The following SNRPN variants were observed in gnomAD, a reference collection of about 807,000 sequenced individuals.
SNRPN encodes the protein small nuclear ribonucleoprotein polypeptide N.
A neutral mutation model predicts 25.2 loss-of-function variants in SNRPN; 7 were observed. That is an observed-to-expected ratio of 0.28 (90% confidence interval 0.16 to 0.52). The LOEUF is 0.52. SNRPN is among the 20% of genes least tolerant of loss of function. SNRPN has a pLI of 0.96. For synonymous variants in SNRPN, 124 were observed against 110.6 expected (o/e 1.12, Z -0.76); for missense variants, 196 against 322.5 (o/e 0.61, Z 3.00).
chr15:24,939,087 A>T (rs1407429768), intron 3 of SNRPN, among the ~76,000 whole-genome samples: 2 of 152,218 alleles, frequency 1.3e-5, no homozygotes, highest in African/African-American at 4.8e-5. Flanking sequence ...ATAGTCAAAC[A>T]CAGAAGCTAA....
chr15:24,850,991 G>A (rs2145677993), intron 2 of SNRPN: 1 of 151,550 alleles, frequency 6.6e-6, no homozygotes, highest in Admixed American at 6.6e-5. Context: ...CATATACACT[G>A]TTCACTGCAG....
At chr15:24,969,211 C>G in intron 3 of SNRPN, among the ~76,000 whole-genome samples, 1 of 152,132 alleles carries the variant, frequency 6.6e-6, no homozygotes. Flanking sequence ...TCACTGCAAC[C>G]TCTGCCTCCC....
intron 2 of SNRPN, among the ~76,000 whole-genome samples, chr15:24,845,547 G>A (rs958431844): frequency 1.3e-5 from 2 of 151,876 alleles, no homozygotes; most frequent in Non-Finnish European, 2.9e-5. Flanking sequence ...GCAGTGAGCC[G>A]AGATCATGCA....
chr15:24,827,687 T>TG (rs2050206119), intron 1 of SNRPN, among the ~76,000 whole-genome samples: 2 of 151,346 alleles, frequency 1.3e-5, no homozygotes, highest in South Asian at 4.2e-4. Context: ...ACCAAGATGG[T>TG]GAAACCCTGT....
intron 2 of SNRPN, among the ~76,000 whole-genome samples, chr15:24,963,721 C>A (rs1401974673): frequency 6.6e-6 from 1 of 151,382 alleles, no homozygotes; most frequent in African/African-American, 2.4e-5. Flanking sequence ...GTTTGTGTGT[C>A]TTTTGTTATT....
intron 3 of SNRPN, among the ~76,000 whole-genome samples, chr15:24,945,768 T>C (rs553437363): frequency 1.3e-5 from 2 of 152,208 alleles, no homozygotes; most frequent in Non-Finnish European, 2.9e-5. Flanking sequence ...TGGGATTTTC[T>C]AAGAAGGTTG....
At chr15:24,841,914 G>T (rs1044555478) in intron 2 of SNRPN, among the ~76,000 whole-genome samples, 1 of 152,106 alleles carries the variant, frequency 6.6e-6, no homozygotes, top group East Asian at 1.9e-4. Context: ...TCACATAAGT[G>T]CCCAGCACCT....
intron 3 of SNRPN, among the ~76,000 whole-genome samples, chr15:24,969,329 A>G (rs1045356065): frequency 2.6e-5 from 4 of 152,046 alleles, no homozygotes; most frequent in Non-Finnish European, 5.9e-5. Context: ...GGGTTTCACC[A>G]TGTTCTCCAG....
intron 1 of SNRPN, among the ~76,000 whole-genome samples, chr15:24,862,922 C>T (rs2054127812): frequency 6.6e-6 from 1 of 150,688 alleles, no homozygotes; most frequent in Non-Finnish European, 1.5e-5. Flanking sequence ...TATGAGGAGG[C>T]AGGAGCAGGA....
chr15:24,938,184 C>T (rs1349455766), intron 3 of SNRPN, among the ~76,000 whole-genome samples: 1 of 150,346 alleles, frequency 6.7e-6, no homozygotes, highest in Non-Finnish European at 1.5e-5. Flanking sequence ...GCCATGATCT[C>T]GGCTCACTGC....
chr15:24,878,109 T>C (rs1595635004), intron 1 of SNRPN, among the ~76,000 whole-genome samples: 1 of 152,220 alleles, frequency 6.6e-6, no homozygotes, highest in East Asian at 1.9e-4. Context: ...TCCATACATA[T>C]ATTCAGTACC....
intron 1 of SNRPN, among the ~76,000 whole-genome samples, chr15:24,867,740 G>A (rs1207062434): frequency 6.6e-6 from 1 of 152,096 alleles, no homozygotes; most frequent in East Asian, 1.9e-4. Context: ...AACAGTCTGT[G>A]TCTTTTCATT....
chr15:24,910,999 T>C, intron 2 of SNRPN: 2 of 1,270,292 alleles, frequency 1.6e-6, no homozygotes, highest in Non-Finnish European at 1.1e-6. Context: ...ACCGTGGTGA[T>C]TTTATAGCAT....
chr15:24,843,845 C>T (rs1441246414), intron 2 of SNRPN, among the ~76,000 whole-genome samples: 11 of 147,734 alleles, frequency 7.4e-5, no homozygotes, highest in South Asian at 4.3e-4. Context: ...TGGTGGCACA[C>T]GCCTGTAATC....
chr15:24,949,486 C>CA (rs35424957), intron 3 of SNRPN, among the ~76,000 whole-genome samples: 1 of 151,610 alleles, frequency 6.6e-6, no homozygotes, highest in South Asian at 2.1e-4. Context: ...CAGGTCTCTA[C>CA]AAAAAAATAA....
chr15:24,889,585 A>T (rs145053977), intron 2 of SNRPN, among the ~76,000 whole-genome samples: 3 of 150,554 alleles, frequency 2.0e-5, no homozygotes, highest in Admixed American at 2.0e-4. Flanking sequence ...GATTACAGGC[A>T]TGAGCCACCG....
At chr15:24,923,054 T>A (rs908140031) in intron 3 of SNRPN, among the ~76,000 whole-genome samples, 1 of 152,020 alleles carries the variant, frequency 6.6e-6, no homozygotes, top group Non-Finnish European at 1.5e-5. Flanking sequence ...TACAGGCACC[T>A]GCCACCACAC....
chr15:24,921,424 C>T (rs2060015733), intron 3 of SNRPN, among the ~76,000 whole-genome samples: 1 of 152,156 alleles, frequency 6.6e-6, no homozygotes, highest in African/African-American at 2.4e-5. Context: ...GATCTTCCTT[C>T]TGTTCATATA....
At chr15:24,854,165 A>G (rs960004747), upstream of SNRPN, among the ~76,000 whole-genome samples, 1 of 152,232 alleles carries the variant, frequency 6.6e-6, no homozygotes, top group African/African-American at 2.4e-5. Flanking sequence ...CACTCCTAGT[A>G]TAATGGCATG....
Sources: gnomAD v4.1 joint callset for allele counts (sites outside exome capture counted in the v4.1 genomes callset) on GRCh38, gnomAD v4.1.1 for gene constraint, MANE v1.5 for transcripts, NCBI Gene and HGNC (gene_info 2026-07-23, HGNC 2026-07-21) for gene names.